ALDH3A2: variants seen among roughly 807,000 people sequenced by gnomAD.
The protein encoded by ALDH3A2 is aldehyde dehydrogenase 3 family member A2, also known as aldehyde dehydrogenase family 3 member A2.
Under a neutral mutation model 51.3 loss-of-function variants are expected in ALDH3A2, and 36 were observed. That is an observed-to-expected ratio of 0.70 (90% CI 0.54 to 0.93). ALDH3A2 has a LOEUF of 0.93. Among genes scored for constraint, ALDH3A2 ranks in the 40% least tolerant of loss-of-function variants. The pLI is 0.00. For synonymous variants in ALDH3A2, 199 were observed against 219.8 expected, an observed-to-expected ratio of 0.91 and a Z score of 0.84; for missense variants, 552 against 603.1, an observed-to-expected ratio of 0.92 and a Z score of 0.89.
intron 9 of ALDH3A2, 135 bp downstream of exon 9, chr17:19,672,091 C>A: frequency 1.2e-6 from 1 of 858,408 alleles, no homozygotes; most frequent in Non-Finnish European, 1.9e-6. Context: ...TGCTGGCCAG[C>A]TACCCGTTTT....
At chr17:19,652,837 A>C in intron 3 of ALDH3A2, 1 of 590,380 alleles carries the variant, frequency 1.7e-6, no homozygotes, top group East Asian at 2.9e-5. Context: ...GGGGTTACAC[A>C]ATATATGTAG....
rs1277576744 is a variant in ALDH3A2 at position 19,663,350 on chromosome 17, G to A, written c.958G>A (p.Asp320Asn). 1.3e-5 allele frequency: 21 copies of A among 1,613,934 alleles called. No homozygotes were observed. The highest frequency in any genetic ancestry group is 1.6e-5 in the Non-Finnish European group (19 of 1,179,998). ...CTTTTTAGCCCCAACAGTACTTACCGATGTTGATCCTAAAACCAAGGTGAT... is the reference window on the plus strand; with the variant it reads ...CTTTTTAGCCCCAACAGTACTTACCAATGTTGATCCTAAAACCAAGGTGAT... Reference protein sequence around the residue: ...TRYIAPTVLTDVDPKTKVMQE... With the variant: ...TRYIAPTVLTNVDPKTKVMQE... The change falls in exon 7 of 10, where the codon GAT becomes AAT. Residue 320 changes from aspartate (D) to asparagine (N), a missense_variant. Transcript: ENST00000176643.
In ALDH3A2 at chr17:19,675,630, T is replaced by C; in HGVS notation, c.*58T>C. 1 of 1,527,096 alleles carries C rather than the reference T, an allele frequency of 6.5e-7. No individual in the cohort carries two copies. Among genetic ancestry groups the C allele is most frequent in the Non-Finnish European group, 9.1e-7 (1 of 1,100,976 alleles). 94.6% of individuals were successfully genotyped at this position (1,527,096 alleles called of 1,614,324 possible). ...ACTGAATTATTCCTCTTTTAAATGG[T>C]TAATGAACCAATAATTTTTAAATCA... On this transcript the variant is annotated 3_prime_UTR_variant, in exon 10 of 10. Transcript: ENST00000176643.
chr17:19,656,701 T>C, intron 4 of ALDH3A2, 127 bp downstream of exon 4: 1 of 974,534 alleles, frequency 1.0e-6, no homozygotes, highest in Non-Finnish European at 1.6e-6. Context: ...CTTTGGTGGT[T>C]GATGTCCTCA....
chr17:19,649,451 T>G (rs951239285), intron 1 of ALDH3A2: 11 of 283,568 alleles, frequency 3.9e-5, no homozygotes, highest in Non-Finnish European at 3.3e-5. Flanking sequence ...GTCAGTTTAC[T>G]GTATTGTGGA....
chr17:19,669,624 C>T (rs925191772), intron 8 of ALDH3A2, among the ~76,000 whole-genome samples: 1 of 151,972 alleles, frequency 6.6e-6, no homozygotes, highest in Non-Finnish European at 1.5e-5. Flanking sequence ...GTTGAATCCA[C>T]GCCTTTTCTT....
rs2152334524 is a variant in ALDH3A2, at chr17:19,675,705, A to G, written c.*133A>G. The G allele has an allele frequency of 1.9e-6, 2 of 1,047,936 alleles. No homozygotes were observed. The highest frequency in any genetic ancestry group is 4.8e-5 in the East Asian group (2 of 41,490). 64.9% of individuals were successfully genotyped at this position (1,047,936 alleles called of 1,614,324 possible). ...CAAACACTCTGTGATCAAACTTAAA[A>G]GTCATTGCCATTCATCATTAATAAA... On this transcript the variant is annotated 3_prime_UTR_variant, in exon 10 of 10. Transcript: ENST00000176643.
intron 8 of ALDH3A2, 105 bp from the exon 9 acceptor site, chr17:19,671,616 T>A: frequency 1.0e-6 from 1 of 972,280 alleles, no homozygotes; most frequent in Non-Finnish European, 1.7e-6. Flanking sequence ...TCAGTGGGGT[T>A]CCCAGGCAGC....
intron 1 of ALDH3A2, among the ~76,000 whole-genome samples, chr17:19,650,870 A>C (rs2084806220): frequency 6.6e-6 from 1 of 152,212 alleles, no homozygotes; most frequent in Non-Finnish European, 1.5e-5. Context: ...ATAAGTCGTA[A>C]TAGTGGTAGT....
chr17:19,667,491 A>G (rs1391054924), intron 8 of ALDH3A2, among the ~76,000 whole-genome samples: 2 of 152,246 alleles, frequency 1.3e-5, no homozygotes, highest in Non-Finnish European at 2.9e-5. Context: ...TCAAAGTAAT[A>G]TAGACACAGT....
intron 9 of ALDH3A2, chr17:19,675,012 G>T (rs78376159): frequency 0.021 from 3,165 of 153,926 alleles, 55 homozygotes; most frequent in African/African-American, 0.045. Flanking sequence ...AAGGCATTGT[G>T]GGAGATGTGG....
chr17:19,648,843 T>C lies in ALDH3A2; in HGVS notation c.-129T>C. The C allele has an allele frequency of 7.9e-7, 1 of 1,272,172 alleles. No homozygotes were observed. The highest frequency in any genetic ancestry group is 1.3e-5 in the South Asian group (1 of 74,534). The allele number at this position is 1,272,172 out of a possible 1,614,324, so 78.8% of individuals were successfully genotyped here. A position where few individuals can be genotyped will look rare whatever the true frequency, so the allele number is the denominator to read the frequency against. ...GAGCCCTGGGCGAGTGAATTGTGGC[T>C]GTGGGTTGACGGTGGAGACACCCCC... On this transcript the variant is annotated 5_prime_UTR_variant, in exon 1 of 10. Coordinates refer to ENST00000176643, the MANE Select transcript of ALDH3A2 (RefSeq NM_000382.3).
intron 3 of ALDH3A2, 103 bp from the exon 4 acceptor site, chr17:19,656,263 C>G (rs1354584462): frequency 9.2e-7 from 1 of 1,084,270 alleles, no homozygotes; most frequent in Non-Finnish European, 1.4e-6. Context: ...TTGACACTCT[C>G]TGGGTTTTAC....
chr17:19,672,132 C>G (rs909636166), intron 9 of ALDH3A2, among the ~76,000 whole-genome samples, 176 bp downstream of exon 9: 1 of 152,284 alleles, frequency 6.6e-6, no homozygotes, highest in South Asian at 2.1e-4. Context: ...CACAGCCACA[C>G]CCACTTGTTT....
chr17:19,659,287 G>A (rs1427076108), intron 5 of ALDH3A2, among the ~76,000 whole-genome samples: 4 of 151,752 alleles, frequency 2.6e-5, no homozygotes, highest in Non-Finnish European at 4.4e-5. Flanking sequence ...CCTGTAATCC[G>A]AGCACTTTGG....
chr17:19,660,255 C>T (rs1045250100), intron 5 of ALDH3A2, among the ~76,000 whole-genome samples: 17 of 152,116 alleles, frequency 1.1e-4, no homozygotes, highest in Non-Finnish European at 1.6e-4. Context: ...TCCAAAGATT[C>T]AGCTCGTCTG....
chr17:19,659,317 C>T (rs942306364), intron 5 of ALDH3A2, among the ~76,000 whole-genome samples: 8 of 152,054 alleles, frequency 5.3e-5, no homozygotes, highest in Admixed American at 1.3e-4. Context: ...GTGGGAAGAT[C>T]GCTTGAGCCC....
Position 19,675,686 on chromosome 17 carries a change from C to A in ALDH3A2, c.*114C>A. The A allele has an allele frequency of 1.6e-6, 2 of 1,212,326 alleles. No individual in the cohort carries two copies. Among genetic ancestry groups the A allele is most frequent in the Non-Finnish European group, 2.4e-6 (2 of 818,708 alleles). 75.1% of individuals were successfully genotyped at this position (1,212,326 alleles called of 1,614,324 possible). On this transcript the variant is annotated 3_prime_UTR_variant, in exon 10 of 10. Transcript: ENST00000176643. ...AAAATAGTAAGAAAATATGCAAACA[C>A]TCTGTGATCAAACTTAAAAGTCATT...
chr17:19,669,757 C>T lies in ALDH3A2; in HGVS notation c.1208-1964C>T, dbSNP rs531230337. ...TCAAACAATCTTCCCGCCTCAGCCT[C>T]CTGAATAGCTGGGATTACAAGGGTG... is the stretch of plus-strand genomic sequence containing the variant. On this transcript the variant is annotated intron_variant, in intron 8 of 9. Coordinates refer to ENST00000176643, the MANE Select transcript of ALDH3A2 (RefSeq NM_000382.3). Among the ~76,000 whole-genome samples the T allele has an allele frequency of 2.0e-5, 3 of 152,268 alleles. No individual in the cohort carries two copies. In the East Asian group the frequency reaches 5.8e-4, roughly 29 times the overall value.
Sources: gnomAD v4.1 joint callset for allele counts (sites outside exome capture counted in the v4.1 genomes callset) on GRCh38, gnomAD v4.1.1 for gene constraint, MANE v1.5 for transcripts, NCBI Gene and HGNC (gene_info 2026-07-23, HGNC 2026-07-21) for gene names.